Variants in SMYD3 observed in about 807,000 individuals in gnomAD.
The protein encoded by SMYD3 is histone-lysine N-methyltransferase SMYD3.
In SMYD3, 36 loss-of-function variants were observed where a neutral mutation model predicts 57.7. That is an observed-to-expected ratio of 0.62 (90% CI 0.48 to 0.82). SMYD3 has a LOEUF of 0.82. Ranked by LOEUF, SMYD3 falls within the 40% of genes least tolerant of loss-of-function variation. The pLI is 0.00. For synonymous variants in SMYD3, 211 were observed against 195.0 expected, an observed-to-expected ratio of 1.08 and a Z score of -0.68; for missense variants, 515 against 538.8, an observed-to-expected ratio of 0.96 and a Z score of 0.44.
intron 5 of SMYD3, among the ~76,000 whole-genome samples, chr1:246,119,101 G>A (rs1283310631): frequency 6.6e-6 from 1 of 152,120 alleles, no homozygotes; most frequent in Non-Finnish European, 1.5e-5. Flanking sequence ...GCTCACTGCA[G>A]CCTCAAAATC....
At chr1:245,850,072 A>G (rs2050885049) in intron 10 of SMYD3, among the ~76,000 whole-genome samples, 2 of 152,196 alleles carry the variant, frequency 1.3e-5, no homozygotes, top group South Asian at 4.1e-4. Flanking sequence ...GGGAAAAAGG[A>G]ATTGATATCC....
chr1:245,865,125 CTTTACTGATATTTACTGATATTGATA>C (rs1572543416), intron 8 of SMYD3, among the ~76,000 whole-genome samples: 2 of 152,146 alleles, frequency 1.3e-5, no homozygotes, highest in African/African-American at 4.8e-5. Flanking sequence ...ATGCTGAAGG[CTTTACTGATATTTACTGATATTGATA>C]TTTACTGATA....
At chr1:246,357,937 A>G (rs2065932503) in intron 1 of SMYD3, among the ~76,000 whole-genome samples, 2 of 152,236 alleles carry the variant, frequency 1.3e-5, no homozygotes, top group South Asian at 4.1e-4. Context: ...AACAAACAGC[A>G]CAATGAATGG....
intron 5 of SMYD3, among the ~76,000 whole-genome samples, chr1:246,275,353 A>G (rs2064309690): frequency 6.6e-6 from 1 of 152,154 alleles, no homozygotes; most frequent in Non-Finnish European, 1.5e-5. Flanking sequence ...CCCAAGTTTG[A>G]ATACTAACTC....
At chr1:246,150,216 T>C (rs1269050703) in intron 5 of SMYD3, among the ~76,000 whole-genome samples, 2 of 152,230 alleles carry the variant, frequency 1.3e-5, no homozygotes, top group South Asian at 2.1e-4. Flanking sequence ...AAAGAAAGTA[T>C]ACTATAAACT....
chr1:245,821,371 C>T, intron 10 of SMYD3, among the ~76,000 whole-genome samples: 2 of 92,764 alleles, frequency 2.2e-5, no homozygotes, highest in African/African-American at 5.1e-5. Context: ...GGATCCCTTT[C>T]TTACACCTTA....
At chr1:245,824,812 C>T (rs2049381636) in intron 10 of SMYD3, among the ~76,000 whole-genome samples, 1 of 147,994 alleles carries the variant, frequency 6.8e-6, no homozygotes, top group Non-Finnish European at 1.5e-5. Context: ...GCCGAGATCG[C>T]ACCATTGCAC....
intron 5 of SMYD3, among the ~76,000 whole-genome samples, chr1:246,279,894 G>A (rs2064409462): frequency 1.3e-5 from 2 of 152,130 alleles, no homozygotes; most frequent in Non-Finnish European, 2.9e-5. Flanking sequence ...AACAATTATA[G>A]TATCTTGGGG....
chr1:245,985,060 A>G (rs763337075), intron 5 of SMYD3, among the ~76,000 whole-genome samples: 3 of 151,900 alleles, frequency 2.0e-5, no homozygotes, highest in Non-Finnish European at 2.9e-5. Context: ...ACCTGACCAC[A>G]CAGCATTCCC....
At chr1:246,121,596 T>C (rs2061427133) in intron 5 of SMYD3, among the ~76,000 whole-genome samples, 1 of 152,192 alleles carries the variant, frequency 6.6e-6, no homozygotes, top group Non-Finnish European at 1.5e-5. Flanking sequence ...TTTCAGTGTA[T>C]TCCCAGAGAA....
At chr1:245,839,805 A>G (rs928438965) in intron 10 of SMYD3, among the ~76,000 whole-genome samples, 1 of 152,186 alleles carries the variant, frequency 6.6e-6, no homozygotes, top group Non-Finnish European at 1.5e-5. Context: ...AGCAGGGGGA[A>G]AAATGAAGAA....
At chr1:246,500,444 G>A (rs1290477935) in intron 1 of SMYD3, among the ~76,000 whole-genome samples, 1 of 152,082 alleles carries the variant, frequency 6.6e-6, no homozygotes, top group African/African-American at 2.4e-5. Flanking sequence ...TCTTAGAGAT[G>A]GTGGTATTAC....
At chr1:246,192,009 C>T (rs997953275) in intron 5 of SMYD3, among the ~76,000 whole-genome samples, 1 of 152,112 alleles carries the variant, frequency 6.6e-6, no homozygotes, top group East Asian at 1.9e-4. Context: ...GTTGTTATTA[C>T]GGAAAAAATT....
At chr1:246,331,163 C>G (rs1018053797) in intron 3 of SMYD3, among the ~76,000 whole-genome samples, 1 of 151,896 alleles carries the variant, frequency 6.6e-6, no homozygotes, top group Non-Finnish European at 1.5e-5. Context: ...AAGGACAAAT[C>G]GGGAGCCTAC....
At chr1:246,484,722 A>G (rs537044185) in intron 1 of SMYD3, among the ~76,000 whole-genome samples, 1 of 50,732 alleles carries the variant, frequency 2.0e-5, no homozygotes, top group Non-Finnish European at 5.1e-5. Context: ...ACCTAAAAAC[A>G]CATCACTTCA....
At chr1:245,907,220 C>G (rs553720568) in intron 8 of SMYD3, among the ~76,000 whole-genome samples, 1 of 152,090 alleles carries the variant, frequency 6.6e-6, no homozygotes, top group South Asian at 2.1e-4. Context: ...AAAATGTAAT[C>G]GGATCGTTTG....
intron 5 of SMYD3, among the ~76,000 whole-genome samples, chr1:245,987,073 G>A (rs2058720298): frequency 6.6e-6 from 1 of 152,122 alleles, no homozygotes; most frequent in Non-Finnish European, 1.5e-5. Context: ...AGATAAAACG[G>A]ATCACAGCAG....
intron 1 of SMYD3, among the ~76,000 whole-genome samples, chr1:246,374,468 A>C (rs2066239444): frequency 6.6e-6 from 1 of 152,128 alleles, no homozygotes; most frequent in South Asian, 2.1e-4. Flanking sequence ...TTTGCAGACC[A>C]CTTGGTGCTC....
chr1:246,492,671 G>C (rs575581648), intron 1 of SMYD3, among the ~76,000 whole-genome samples: 8 of 152,350 alleles, frequency 5.3e-5, no homozygotes, highest in African/African-American at 1.9e-4. Context: ...AAAATCTTCA[G>C]CTAGGAGACT....
Sources: allele counts gnomAD v4.1 joint callset (sites outside exome capture counted in the v4.1 genomes callset), GRCh38; gene constraint gnomAD v4.1.1; transcripts MANE v1.5; gene names NCBI Gene and HGNC (gene_info 2026-07-23, HGNC 2026-07-21).